HHIPL1: variants seen among roughly 807,000 people sequenced by gnomAD.
HHIPL1 encodes HHIP like 1.
Under a neutral mutation model 61.8 loss-of-function variants are expected in HHIPL1, and 43 were observed. The ratio of observed to expected loss-of-function variants is 0.70; its 90% CI spans 0.55 to 0.90. HHIPL1 has a LOEUF of 0.90. Ranked by LOEUF, HHIPL1 falls within the 40% of genes least tolerant of loss-of-function variation. The pLI, the probability that HHIPL1 is intolerant of heterozygous loss-of-function variation, is 0.00. For missense variants in HHIPL1, 1,056 were observed against 1,157.7 expected (o/e 0.91, Z 1.28); for synonymous variants, 482 against 515.8 (o/e 0.93, Z 0.89).
chr14:99,618,173 G>A, the HHIPL1 span, among the ~76,000 whole-genome samples: 2 of 152,170 alleles, frequency 1.3e-5, no homozygotes, highest in East Asian at 3.9e-4. Flanking sequence ...GCAGGTGGGG[G>A]TTGCCCTAGA....
chr14:99,649,875 C>T (rs575179053), intron 1 of HHIPL1, among the ~76,000 whole-genome samples: 42 of 152,362 alleles, frequency 2.8e-4, no homozygotes, highest in African/African-American at 1.0e-3. Context: ...GCACACAGCC[C>T]CTCCCTGGTC....
the HHIPL1 span, among the ~76,000 whole-genome samples, chr14:99,628,054 T>A: frequency 1.3e-5 from 2 of 151,892 alleles, no homozygotes; most frequent in Admixed American, 1.3e-4. Context: ...GGGCAGGCCA[T>A]GAGGGACTGC....
intron 1 of HHIPL1, among the ~76,000 whole-genome samples, chr14:99,650,950 G>A (rs1014128545): frequency 3.3e-5 from 5 of 151,100 alleles, no homozygotes; most frequent in African/African-American, 4.8e-5. Context: ...TTCTCTCATC[G>A]CTATAAAGAA....
the HHIPL1 span, among the ~76,000 whole-genome samples, chr14:99,616,523 C>G: frequency 6.6e-6 from 1 of 152,132 alleles, no homozygotes; most frequent in Non-Finnish European, 1.5e-5. Flanking sequence ...GAGAGTGTCT[C>G]AAGCTGGAGA....
intron 6 of HHIPL1, among the ~76,000 whole-genome samples, chr14:99,663,721 C>A (rs1211247190): frequency 6.6e-6 from 1 of 152,202 alleles, no homozygotes; most frequent in African/African-American, 2.4e-5. Context: ...CCTCTCTGAG[C>A]TCCCGTTTGT....
intron 1 of HHIPL1, 95 bp from the exon 2 acceptor site, chr14:99,652,129 G>A: frequency 8.5e-7 from 1 of 1,171,922 alleles, no homozygotes; most frequent in Non-Finnish European, 1.2e-6. Context: ...TGGATCAGCA[G>A]ACTGAGGCTC....
Position 99,665,098 on chromosome 14 carries a change from A to G in HHIPL1, c.1648+2077A>G, listed in dbSNP as rs549488302. The stretch of plus-strand genomic sequence containing the variant: ...GCCGCCACACCCGGCTAATTTTTGT[A>G]TTTTTTTTAGTAGAGATGGGGTTTC... On this transcript the variant is annotated intron_variant, in intron 6 of 8. Coordinates refer to ENST00000330710, the MANE Select transcript of HHIPL1 (RefSeq NM_001127258.3). 1.1e-4 allele frequency among the ~76,000 whole-genome samples: 17 copies of G among 151,262 alleles called. 1 individual carries two copies. The South Asian group carries it at 3.6e-3, about 32-fold the overall frequency.
chr14:99,624,151 G>A, the HHIPL1 span, among the ~76,000 whole-genome samples: 1 of 152,188 alleles, frequency 6.6e-6, no homozygotes, highest in Non-Finnish European at 1.5e-5. Context: ...GGCAGACCAG[G>A]ATGGGAACCA....
intron 1 of HHIPL1, among the ~76,000 whole-genome samples, chr14:99,648,553 C>G (rs1347477284): frequency 6.6e-6 from 1 of 152,212 alleles, no homozygotes; most frequent in African/African-American, 2.4e-5. Context: ...AAGTCCTAGC[C>G]AAGCTGACTG....
At chr14:99,610,292 G>A in the HHIPL1 span, among the ~76,000 whole-genome samples, 1 of 152,132 alleles carries the variant, frequency 6.6e-6, no homozygotes, top group Non-Finnish European at 1.5e-5. Flanking sequence ...ACACTGAGAA[G>A]CATATGCCTG....
intron 6 of HHIPL1, among the ~76,000 whole-genome samples, chr14:99,667,679 C>A (rs929872208): frequency 1.3e-5 from 2 of 152,162 alleles, no homozygotes; most frequent in Non-Finnish European, 2.9e-5. Flanking sequence ...TGGCAGGGCC[C>A]AAATCCCGGA....
intron 2 of HHIPL1, 60 bp downstream of exon 2, chr14:99,652,930 ACAGGAC>A: frequency 6.7e-7 from 1 of 1,486,128 alleles, no homozygotes; most frequent in Non-Finnish European, 9.2e-7. Flanking sequence ...CACTGGTGTG[ACAGGAC>A]CAGTTGGTAT....
chr14:99,645,201 C>T lies in HHIPL1; in HGVS notation c.-7C>T, dbSNP rs1249673231. 7.0e-6 allele frequency: 9 copies of T among 1,280,878 alleles called. No individual in the cohort carries two copies. The highest frequency in any genetic ancestry group is 3.0e-4 in the Middle Eastern group (1 of 3,332). 79.3% of individuals were successfully genotyped at this position (1,280,878 alleles called of 1,614,324 possible). A position where few individuals can be genotyped will look rare whatever the true frequency, so the allele number is the denominator to read the frequency against. On this transcript the variant is annotated 5_prime_UTR_variant, in exon 1 of 9. Coordinates refer to ENST00000330710, the MANE Select transcript of HHIPL1 (RefSeq NM_001127258.3). ...TCCCTCCGCCTCTTCCCCCGCGGGG[C>T]GTAGCGATGGCCCGGGCCAGGGCCG...
Position 99,665,227 on chromosome 14 carries a change from A to G in HHIPL1, c.1648+2206A>G, listed in dbSNP as rs534799524. 4.6e-5 allele frequency among the ~76,000 whole-genome samples: 7 copies of G among 152,274 alleles called. No homozygotes were observed. The South Asian group carries it at 1.4e-3, about 32-fold the overall frequency. Reference sequence around the variant, plus strand: ...CGCCCAGCCGAAATTGTCCATTTTTATGCTCAGGTGCAGCAGAGTATGGAC... The same window carrying G: ...CGCCCAGCCGAAATTGTCCATTTTTGTGCTCAGGTGCAGCAGAGTATGGAC... On this transcript the variant is annotated intron_variant, in intron 6 of 8. Coordinates refer to ENST00000330710, the MANE Select transcript of HHIPL1 (RefSeq NM_001127258.3).
intron 1 of HHIPL1, among the ~76,000 whole-genome samples, chr14:99,648,974 G>A (rs1006259197): frequency 6.6e-6 from 1 of 152,208 alleles, no homozygotes; most frequent in Non-Finnish European, 1.5e-5. Context: ...CCGGGCGGCT[G>A]AAGCCTGCGA....
the HHIPL1 span, among the ~76,000 whole-genome samples, chr14:99,615,106 A>G: frequency 6.6e-6 from 1 of 152,222 alleles, no homozygotes; most frequent in Admixed American, 6.5e-5. Flanking sequence ...GAAGGTCATG[A>G]AGCGATGTCT....
Position 99,668,374 on chromosome 14 carries a change from C to G in HHIPL1, c.1730+71C>G. On this transcript the variant is annotated intron_variant, in intron 7 of 8. Transcript: ENST00000330710. The surrounding 1 kb of genome is among the most constrained non-coding windows in gnomAD (Gnocchi z 4.7). ...CCTCTTAGCTCCACGGGCTTGTCCCCTCCGCCTCGCCCTCAGGTGGGTGGT... is the reference window on the plus strand; with the variant it reads ...CCTCTTAGCTCCACGGGCTTGTCCCGTCCGCCTCGCCCTCAGGTGGGTGGT... 2 of 910,106 alleles carry G rather than the reference C, an allele frequency of 2.2e-6. No individual in the cohort carries two copies. The highest frequency in any genetic ancestry group is 2.6e-5 in the South Asian group (2 of 76,414). 56.4% of individuals were successfully genotyped at this position (910,106 alleles called of 1,614,324 possible).
At chr14:99,643,337 G>C (rs1032054318), upstream of HHIPL1, among the ~76,000 whole-genome samples, 1 of 152,238 alleles carries the variant, frequency 6.6e-6, no homozygotes, top group Non-Finnish European at 1.5e-5. Context: ...ACTGTGCCCG[G>C]CTCCTGACTG....
At chr14:99,643,322 G>A (rs2055777476), upstream of HHIPL1, among the ~76,000 whole-genome samples, 1 of 152,272 alleles carries the variant, frequency 6.6e-6, no homozygotes, top group Non-Finnish European at 1.5e-5. Flanking sequence ...TTACAGGCGT[G>A]AGCCACTGTG....
Sources: allele counts gnomAD v4.1 joint callset (sites outside exome capture counted in the v4.1 genomes callset), GRCh38; gene constraint gnomAD v4.1.1; non-coding constraint Gnocchi (gnomAD v3.1); transcripts MANE v1.5; gene names NCBI Gene and HGNC (gene_info 2026-07-23, HGNC 2026-07-21).